Variants in CYP4Z1 observed in about 807,000 individuals in gnomAD.
CYP4Z1 encodes the protein cytochrome P450 4Z1.
Under a neutral mutation model 54.2 loss-of-function variants are expected in CYP4Z1, and 41 were observed. The observed-to-expected ratio is 0.76, with a 90% confidence interval of 0.59 to 0.98. The LOEUF (loss-of-function observed/expected upper bound fraction) is 0.98, where lower values mean the gene tolerates loss of function less well. CYP4Z1 is among the 50% of genes least tolerant of loss of function. The probability of loss-of-function intolerance (pLI) is 0.00; values close to 1 mark genes in which losing one functional copy is unlikely to be tolerated. For missense variants in CYP4Z1, 513 were observed against 599.0 expected (o/e 0.86, Z 1.50); for synonymous variants, 163 against 206.2 (o/e 0.79, Z 1.79).
At chr1:47,077,147 C>G (rs1286899525) in intron 2 of CYP4Z1, among the ~76,000 whole-genome samples, 1 of 151,616 alleles carries the variant, frequency 6.6e-6, no homozygotes, top group Admixed American at 6.6e-5. Context: ...TTTTTTGTAT[C>G]ATTGTTCTGT....
chr1:47,060,373 C>T, the CYP4Z1 span, among the ~76,000 whole-genome samples: 5 of 152,028 alleles, frequency 3.3e-5, no homozygotes, highest in Non-Finnish European at 2.9e-5. Flanking sequence ...GAAAATCTAC[C>T]GAGCAAATGG....
rs547407689 is a variant in CYP4Z1 at position 47,105,046 on chromosome 1, A to C, written c.1068-1082A>C. ...ATAAGCAAAAGGCTTTTGTGGGATGAGGGTGACTCATGATTTGCTAGCACC... is the reference window on the plus strand; with the variant it reads ...ATAAGCAAAAGGCTTTTGTGGGATGCGGGTGACTCATGATTTGCTAGCACC... On this transcript the variant is annotated intron_variant, in intron 8 of 11. Transcript: ENST00000334194. Among the ~76,000 whole-genome samples, 48 of 152,246 alleles carry C rather than the reference A, an allele frequency of 3.2e-4. 1 individual carries two copies. Among genetic ancestry groups the C allele is most frequent in the African/African-American group, 1.0e-3 (43 of 41,540 alleles).
In CYP4Z1 at chr1:47,099,147, G is replaced by A. The variant is rs372125019; in HGVS notation, c.930G>A (p.Thr310=). The change falls in exon 8 of 12, where the codon ACG becomes ACA. Residue 310 remains threonine, a synonymous_variant. Transcript: ENST00000334194. ...SEADLQAEVK[T]FMFAGHDTTS... ...CAGATCTCCAGGCTGAAGTGAAAAC[G>A]TTCATGTTTGCAGGACATGACACCA... is the stretch of plus-strand genomic sequence containing the variant. 5.3e-5 allele frequency: 85 copies of A among 1,613,876 alleles called. No individual in the cohort carries two copies. Among genetic ancestry groups the A allele is most frequent in the Non-Finnish European group, 6.9e-5 (82 of 1,179,996 alleles).
intron 7 of CYP4Z1, 40 bp from the exon 8 acceptor site, chr1:47,099,054 A>T (rs1644700450): frequency 1.2e-6 from 2 of 1,607,632 alleles, no homozygotes; most frequent in African/African-American, 1.3e-5. Context: ...ATAACAATCC[A>T]TAGCCAGCTT....
intron 2 of CYP4Z1, among the ~76,000 whole-genome samples, chr1:47,076,184 A>G (rs1478981061): frequency 6.8e-6 from 1 of 146,004 alleles, no homozygotes; most frequent in African/African-American, 2.5e-5. Flanking sequence ...TTTTCTTCAT[A>G]GTTCATCTAA....
intron 10 of CYP4Z1, 51 bp downstream of exon 10, chr1:47,115,644 G>A (rs1479821694): frequency 1.2e-5 from 18 of 1,523,702 alleles, no homozygotes; most frequent in Non-Finnish European, 1.5e-5. Context: ...CACCAAGAGG[G>A]AAGAGAAGCA....
chr1:47,115,467 G>GAA (rs376649524), intron 9 of CYP4Z1, 62 bp from the exon 10 acceptor site: 168 of 1,115,918 alleles, frequency 1.5e-4, no homozygotes, highest in African/African-American at 8.4e-4. Context: ...AAGTAAAAGA[G>GAA]AAAAAAAAAA....
chr1:47,100,361 T>C (rs1280820561), intron 8 of CYP4Z1, among the ~76,000 whole-genome samples: 2 of 152,216 alleles, frequency 1.3e-5, no homozygotes, highest in African/African-American at 2.4e-5. Flanking sequence ...CTATCCACAG[T>C]CAACAGCAGT....
At chr1:47,087,644 G>A (rs1390832624) in intron 6 of CYP4Z1, among the ~76,000 whole-genome samples, 2 of 152,010 alleles carry the variant, frequency 1.3e-5, no homozygotes, top group African/African-American at 4.8e-5. Context: ...CTGCAAACAG[G>A]GACAATGTGA....
upstream of CYP4Z1, among the ~76,000 whole-genome samples, chr1:47,062,693 G>A (rs184721469): frequency 9.3e-4 from 141 of 152,084 alleles, no homozygotes; most frequent in African/African-American, 3.1e-3. Flanking sequence ...AGCAAGCCCC[G>A]CCCAAGGAAA....
At chr1:47,078,760 A>G (rs1328670891) in intron 2 of CYP4Z1, among the ~76,000 whole-genome samples, 2 of 129,438 alleles carry the variant, frequency 1.5e-5, no homozygotes, top group Non-Finnish European at 3.3e-5. Flanking sequence ...TAATTGGGGC[A>G]TTTACAAGTT....
chr1:47,097,910 G>A (rs1408917079), intron 7 of CYP4Z1, among the ~76,000 whole-genome samples: 1 of 148,348 alleles, frequency 6.7e-6, no homozygotes, highest in Non-Finnish European at 1.5e-5. Flanking sequence ...CCACCTCCCA[G>A]GTTCAAGTGA....
intron 9 of CYP4Z1, among the ~76,000 whole-genome samples, chr1:47,111,470 A>T (rs1442756923): frequency 6.6e-6 from 1 of 152,204 alleles, no homozygotes; most frequent in African/African-American, 2.4e-5. Context: ...GGGGTGAGCC[A>T]CTGTGCCCAG....
At chr1:47,112,181 G>A (rs1257295423) in intron 9 of CYP4Z1, among the ~76,000 whole-genome samples, 2 of 152,224 alleles carry the variant, frequency 1.3e-5, no homozygotes, top group Middle Eastern at 6.8e-3. Context: ...ACAATAGCCA[G>A]TGGGGGAGGG....
Position 47,078,460 on chromosome 1 carries a change from A to T in CYP4Z1, c.320-2163A>T, listed in dbSNP as rs539370302. 5.9e-3 allele frequency among the ~76,000 whole-genome samples: 862 copies of T among 146,702 alleles called. 10 individuals are homozygous for T. The highest frequency in any genetic ancestry group is 0.02 in the African/African-American group (774 of 39,356). ...TTTTGGTTTTGTTTCATCTTTGGCC[A>T]TGGTTTATTGTAGGTCTTTGAGCAT... On this transcript the variant is annotated intron_variant, in intron 2 of 11. Transcript: ENST00000334194.
chr1:47,061,370 A>C, the CYP4Z1 span, among the ~76,000 whole-genome samples: 2 of 152,216 alleles, frequency 1.3e-5, no homozygotes, highest in Non-Finnish European at 2.9e-5. Flanking sequence ...ACCCCACAGA[A>C]ATAAAAATAA....
At chr1:47,104,697 G>A (rs187729967) in intron 8 of CYP4Z1, among the ~76,000 whole-genome samples, 38 of 152,238 alleles carry the variant, frequency 2.5e-4, no homozygotes, top group African/African-American at 8.2e-4. Context: ...ATGATAGACT[G>A]GGCAGGGCAG....
intron 4 of CYP4Z1, among the ~76,000 whole-genome samples, chr1:47,083,738 C>A (rs1174063278): frequency 2.0e-5 from 3 of 152,154 alleles, no homozygotes; most frequent in African/African-American, 7.2e-5. Context: ...CTCTTCGAGT[C>A]TAAGGCTCCT....
At chr1:47,066,102 T>C (rs1644448389), upstream of CYP4Z1, among the ~76,000 whole-genome samples, 1 of 152,092 alleles carries the variant, frequency 6.6e-6, no homozygotes, top group African/African-American at 2.4e-5. Flanking sequence ...CTATCACACA[T>C]TCAAAGAAGA....
Sources: allele counts gnomAD v4.1 joint callset (sites outside exome capture counted in the v4.1 genomes callset), GRCh38; gene constraint gnomAD v4.1.1; transcripts MANE v1.5; gene names NCBI Gene and HGNC (gene_info 2026-07-23, HGNC 2026-07-21).